PPP2R3C: variants seen among roughly 807,000 people sequenced by gnomAD.
PPP2R3C encodes the protein serine/threonine-protein phosphatase 2A regulatory subunit B'' subunit gamma.
PPP2R3C carries 47 observed loss-of-function variants against 63.7 expected under a neutral mutation model. The observed-to-expected ratio is 0.74, with a 90% CI of 0.58 to 0.94. The LOEUF (loss-of-function observed/expected upper bound fraction) is 0.94, where lower values mean the gene tolerates loss of function less well. Among genes scored for constraint, PPP2R3C ranks in the 40% least tolerant of loss-of-function variants. The pLI is 0.00. For synonymous variants in PPP2R3C, 180 were observed against 177.4 expected (o/e 1.01, Z -0.12); for missense variants, 421 against 518.4 (o/e 0.81, Z 1.82).
intron 10 of PPP2R3C, among the ~76,000 whole-genome samples, chr14:35,092,442 A>AT (rs2045851076): frequency 6.6e-6 from 1 of 151,878 alleles, no homozygotes; most frequent in Non-Finnish European, 1.5e-5. Context: ...TGAAAAACAA[A>AT]TTTTTTATCT....
chr14:35,099,017 A>C, intron 7 of PPP2R3C: 1 of 388,202 alleles, frequency 2.6e-6, no homozygotes, highest in Non-Finnish European at 4.4e-6. Context: ...ATGTCCCCCC[A>C]TCTGTCACAC....
intron 10 of PPP2R3C, among the ~76,000 whole-genome samples, chr14:35,093,169 C>A (rs112202162): frequency 1.3e-5 from 2 of 151,992 alleles, no homozygotes; most frequent in South Asian, 4.1e-4. Flanking sequence ...GCCGAGATCG[C>A]GCCACTGCAC....
intron 3 of PPP2R3C, 27 bp from the exon 4 acceptor site, chr14:35,109,958 G>T: frequency 1.3e-6 from 2 of 1,491,630 alleles, no homozygotes; most frequent in Non-Finnish European, 1.8e-6. Context: ...AAGTGAAGAT[G>T]TTGTAAGTTA....
At chr14:35,115,185 T>C (rs2046675628) in intron 2 of PPP2R3C, among the ~76,000 whole-genome samples, 1 of 148,766 alleles carries the variant, frequency 6.7e-6, no homozygotes, top group Non-Finnish European at 1.5e-5. Flanking sequence ...TTTTTTGAGA[T>C]AGGCTCTTGC....
chr14:35,090,099 C>T (rs80331170), intron 11 of PPP2R3C, among the ~76,000 whole-genome samples: 10,657 of 152,046 alleles, frequency 0.07, 495 homozygotes, highest in Non-Finnish European at 0.11. Context: ...TGTAAATATA[C>T]GTCAGGGGCT....
chr14:35,088,194 C>T, intron 11 of PPP2R3C, 184 bp from the exon 12 acceptor site: 4 of 605,386 alleles, frequency 6.6e-6, no homozygotes, highest in East Asian at 2.8e-5. Context: ...AACCTAAATT[C>T]TCGATTAGTG....
intron 2 of PPP2R3C, among the ~76,000 whole-genome samples, chr14:35,112,672 G>A (rs1293860619): frequency 6.6e-6 from 1 of 152,188 alleles, no homozygotes; most frequent in Admixed American, 6.6e-5. Flanking sequence ...GGCATGATGG[G>A]AAGTGGGGGT....
At chr14:35,089,071 G>A (rs2045702283) in intron 11 of PPP2R3C, among the ~76,000 whole-genome samples, 1 of 152,038 alleles carries the variant, frequency 6.6e-6, no homozygotes, top group Non-Finnish European at 1.5e-5. Context: ...TCTCAGATGA[G>A]CCGCTGATAT....
chr14:35,098,283 T>A (rs2046066114), intron 7 of PPP2R3C, among the ~76,000 whole-genome samples: 1 of 149,682 alleles, frequency 6.7e-6, no homozygotes, highest in Non-Finnish European at 1.5e-5. Context: ...TGGGTTCAAG[T>A]GATCCACTTC....
rs1411502276 is a variant in PPP2R3C at position 35,107,291 on chromosome 14, G to C, written c.573+13C>G. 1.3e-6 allele frequency: 2 copies of C among 1,563,146 alleles called. No homozygotes were observed. The highest frequency in any genetic ancestry group is 2.2e-5 in the South Asian group (2 of 89,998). The stretch of plus-strand genomic sequence containing the variant: ...ATAAGAGTTAATATAATATCTATAA[G>C]GTTAACACTTACAGATTCCCGAAGG... On this transcript the variant is annotated intron_variant, in intron 6 of 12. Coordinates refer to ENST00000261475, the MANE Select transcript of PPP2R3C (RefSeq NM_017917.4).
intron 1 of PPP2R3C, among the ~76,000 whole-genome samples, chr14:35,118,252 A>C (rs909287299): frequency 2.0e-5 from 3 of 152,218 alleles, no homozygotes; most frequent in Non-Finnish European, 2.9e-5. Context: ...GGTGGAAATT[A>C]AGTCAAGAAA....
upstream of PPP2R3C, chr14:35,122,288 C>T (rs2046935934): frequency 3.0e-6 from 1 of 330,680 alleles, no homozygotes; most frequent in African/African-American, 2.1e-5. Flanking sequence ...GGCGCGTGCG[C>T]ACCACGTGAC....
rs2046121976 is a variant in PPP2R3C, at chr14:35,099,716, C to T, written c.574-332G>A. On this transcript the variant is annotated intron_variant, in intron 6 of 12. Coordinates refer to ENST00000261475, the MANE Select transcript of PPP2R3C (RefSeq NM_017917.4). ...CAAAGGTAACAGATGCAAATATGAA[C>T]CAATACATATATATTTCTTTCCCTC... 2.4e-5 allele frequency: 5 copies of T among 210,010 alleles called. No individual in the cohort carries two copies. In the South Asian group the frequency reaches 4.0e-4, roughly 17 times the overall value. 13.0% of individuals were successfully genotyped at this position (210,010 alleles called of 1,614,324 possible).
intron 11 of PPP2R3C, among the ~76,000 whole-genome samples, chr14:35,090,573 C>A (rs1595076889): frequency 6.6e-6 from 1 of 151,940 alleles, no homozygotes; most frequent in South Asian, 2.1e-4. Context: ...TAATTTAAAC[C>A]AAATGATATA....
Position 35,107,332 on chromosome 14 carries a change from A to C in PPP2R3C, c.545T>G (p.Val182Gly). The C allele has an allele frequency of 1.2e-6, 2 of 1,609,480 alleles. No individual in the cohort carries two copies. The highest frequency in any genetic ancestry group is 1.7e-6 in the Non-Finnish European group (2 of 1,175,726). Residue 182 changes from valine (V) to glycine (G), a missense_variant, in exon 6 of 13, where the codon GTC (valine) becomes GGC (glycine). Val to Gly is a moderately radical substitution (Grantham distance 109, BLOSUM62 -3). This residue lies in a region of PPP2R3C where 47 missense variants were observed against 102.3 expected (regional missense o/e 0.46). Coordinates refer to ENST00000261475, the MANE Select transcript of PPP2R3C (RefSeq NM_017917.4). The part of the protein sequence containing the change: ...QTRIGLSLYD[V>G]AGQGYLRESD... ...TTCCCGAAGGTACCCCTGCCCAGCG[A>C]CATCATATAAACTGAGTCCTATTCT...
chr14:35,085,817 T>G, intron 12 of PPP2R3C, 39 bp from the exon 13 acceptor site: 1 of 1,515,106 alleles, frequency 6.6e-7, no homozygotes, highest in Non-Finnish European at 9.0e-7. Context: ...TTTGATCCAC[T>G]TAATTTCTAT....
chr14:35,110,559 T>C lies in PPP2R3C; in HGVS notation c.257A>G (p.Lys86Arg). Residue 86 changes from lysine to arginine, a missense_variant, in exon 3 of 13, where the codon AAA becomes AGA. By Grantham distance (26) the Lys-to-Arg change is conservative. Transcript: ENST00000261475. ...TTCATTATCTAACAGTTCTCTGCTT[T>C]TTCTTTGTAGAAAGACAGCTCTTGA... is the stretch of plus-strand genomic sequence containing the variant. ...EESRAVFLQR[K>R]SRELLDNEEL... 1.9e-6 allele frequency: 3 copies of C among 1,612,376 alleles called. No individual in the cohort carries two copies. Among genetic ancestry groups the C allele is most frequent in the Non-Finnish European group, 2.5e-6 (3 of 1,179,214 alleles).
rs2045560861 is a variant in PPP2R3C at position 35,085,494 on chromosome 14, T to G, written c.*96A>C. The G allele has an allele frequency of 5.4e-6, 6 of 1,111,134 alleles. No individual in the cohort carries two copies. The highest frequency in any genetic ancestry group is 7.4e-6 in the Non-Finnish European group (6 of 807,468). 68.8% of individuals were successfully genotyped at this position (1,111,134 alleles called of 1,614,324 possible). ...TGCTGTGTTCTCTAGGCATATCAAGTGTTTTATTTAGACCATTTCTGAGGA... is the reference window on the plus strand; with the variant it reads ...TGCTGTGTTCTCTAGGCATATCAAGGGTTTTATTTAGACCATTTCTGAGGA... On this transcript the variant is annotated 3_prime_UTR_variant, in exon 13 of 13. Transcript: ENST00000261475.
At chr14:35,107,704 A>C (rs933180401) in intron 5 of PPP2R3C, 2 of 373,676 alleles carry the variant, frequency 5.4e-6, no homozygotes, top group African/African-American at 4.0e-5. Flanking sequence ...CAATTATTAA[A>C]GATTGTATAC....
Sources: allele counts gnomAD v4.1 joint callset (sites outside exome capture counted in the v4.1 genomes callset), GRCh38; gene constraint gnomAD v4.1.1; regional missense constraint gnomAD v4.1.1; transcripts MANE v1.5; gene names NCBI Gene and HGNC (gene_info 2026-07-23, HGNC 2026-07-21).